ELAPOR2: variants seen among roughly 807,000 people sequenced by gnomAD.
ELAPOR2 encodes endosome/lysosome-associated apoptosis and autophagy regulator family member 2.
ELAPOR2 carries 89 observed loss-of-function variants against 120.7 expected under a neutral mutation model. The ratio of observed to expected loss-of-function variants is 0.74; its 90% CI spans 0.62 to 0.88. The LOEUF (loss-of-function observed/expected upper bound fraction) is 0.88, where lower values mean the gene tolerates loss of function less well. ELAPOR2 is among the 40% of genes least tolerant of loss of function. The pLI is 0.00. For synonymous variants in ELAPOR2, 444 were observed against 444.9 expected, an observed-to-expected ratio of 1.00 and a Z score of 0.03; for missense variants, 1,134 against 1,251.6, an observed-to-expected ratio of 0.91 and a Z score of 1.42.
At chr7:87,040,522 A>C (rs1448980891) in intron 1 of ELAPOR2, among the ~76,000 whole-genome samples, 3 of 152,176 alleles carry the variant, frequency 2.0e-5, no homozygotes, top group Non-Finnish European at 2.9e-5. Context: ...CTCACACTGC[A>C]GGGTATTCCA....
chr7:87,036,252 T>C (rs891509926), intron 1 of ELAPOR2, among the ~76,000 whole-genome samples: 6 of 152,154 alleles, frequency 3.9e-5, no homozygotes, highest in Non-Finnish European at 4.4e-5. Context: ...GGTGGGATGA[T>C]TACTTGAGAC....
chr7:86,986,246 G>A lies in ELAPOR2; in HGVS notation c.190-21222C>T, dbSNP rs1180328012. On this transcript the variant is annotated intron_variant, in intron 1 of 21. Coordinates refer to ENST00000450689, the MANE Select transcript of ELAPOR2 (RefSeq NM_001142749.3). ...AGATCGAGACCATCCCGGCTAAAAT[G>A]GTGAAACCCCGTCTCTACTAAAAAT... 1.7e-5 allele frequency among the ~76,000 whole-genome samples: 2 copies of A among 119,160 alleles called. 1 individual carries two copies. The highest frequency in any genetic ancestry group is 3.4e-5 in the Non-Finnish European group (2 of 58,426). 78.2% of individuals were successfully genotyped at this position (119,160 alleles called of 152,430 possible).
rs945350714 is a variant in ELAPOR2, at chr7:86,994,615, C to A, written c.190-29591G>T. Among the ~76,000 whole-genome samples, 5 of 152,278 alleles carry A rather than the reference C, an allele frequency of 3.3e-5. 1 individual carries two copies. The South Asian group carries it at 1.0e-3, about 32-fold the overall frequency. On this transcript the variant is annotated intron_variant, in intron 1 of 21. Coordinates refer to ENST00000450689, the MANE Select transcript of ELAPOR2 (RefSeq NM_001142749.3). ...AGAAAGCCATTTCTGAAAAATTTCT[C>A]CAGTCACTGAGCTTGGGCAGGGTGG...
intron 6 of ELAPOR2, 72 bp from the exon 7 acceptor site, chr7:86,939,032 C>T (rs760021960): frequency 1.2e-4 from 178 of 1,523,590 alleles, no homozygotes; most frequent in Non-Finnish European, 1.5e-4. Context: ...CCTACTTCTG[C>T]TTCTACCCAG....
intron 21 of ELAPOR2, among the ~76,000 whole-genome samples, chr7:86,881,890 A>C (rs1799426196): frequency 1.3e-5 from 2 of 152,246 alleles, no homozygotes; most frequent in Admixed American, 1.3e-4. Context: ...GAATAGTGAC[A>C]TGAGAAGATA....
At chr7:86,947,685 C>T in intron 3 of ELAPOR2, 42 bp downstream of exon 3, 1 of 1,494,330 alleles carries the variant, frequency 6.7e-7, no homozygotes, top group Non-Finnish European at 9.1e-7. Flanking sequence ...ACTTTCTTCT[C>T]AAATATTCAG....
At chr7:86,956,173 T>C in intron 2 of ELAPOR2, among the ~76,000 whole-genome samples, 1 of 152,102 alleles carries the variant, frequency 6.6e-6, no homozygotes, top group East Asian at 1.9e-4. Flanking sequence ...ATCCCACCAA[T>C]AACAATTTTT....
At chr7:86,947,407 GA>G (rs1201109204) in intron 3 of ELAPOR2, among the ~76,000 whole-genome samples, 1 of 152,138 alleles carries the variant, frequency 6.6e-6, no homozygotes, top group Non-Finnish European at 1.5e-5. Context: ...AAAAAAACCT[GA>G]AAGTATCTGT....
intron 1 of ELAPOR2, among the ~76,000 whole-genome samples, chr7:87,043,259 T>G (rs1487764787): frequency 6.6e-6 from 1 of 151,604 alleles, no homozygotes; most frequent in Non-Finnish European, 1.5e-5. Flanking sequence ...TAACTCATTT[T>G]ATGAGGCCAG....
intron 11 of ELAPOR2, 83 bp downstream of exon 11, chr7:86,919,137 A>G (rs1789702169): frequency 2.2e-6 from 2 of 928,792 alleles, no homozygotes; most frequent in Non-Finnish European, 3.4e-6. Context: ...AATATGTTCC[A>G]TAAAGTAGCC....
intron 1 of ELAPOR2, among the ~76,000 whole-genome samples, chr7:87,022,486 A>G (rs1442729984): frequency 3.9e-5 from 6 of 152,040 alleles, no homozygotes; most frequent in East Asian, 1.9e-4. Context: ...ATCATTGTTG[A>G]ACATTTGGGT....
At chr7:86,936,771 C>A (rs1790579391) in intron 8 of ELAPOR2, among the ~76,000 whole-genome samples, 1 of 152,020 alleles carries the variant, frequency 6.6e-6, no homozygotes, top group African/African-American at 2.4e-5. Context: ...AGGCCCAGGT[C>A]AAACAGATTT....
rs150494198 is a variant in ELAPOR2 at position 86,956,557 on chromosome 7, C to T, written c.310+8347G>A. On this transcript the variant is annotated intron_variant, in intron 2 of 21. Coordinates refer to ENST00000450689, the MANE Select transcript of ELAPOR2 (RefSeq NM_001142749.3). ...ATAATTTAAAAGTAGAAGTCACCTC[C>T]TGGCAAGAAAACTGATACGTGTGAC... Among the ~76,000 whole-genome samples, 298 of 152,320 alleles carry T rather than the reference C, an allele frequency of 2.0e-3. 1 individual carries two copies. The highest frequency in any genetic ancestry group is 6.9e-3 in the African/African-American group (285 of 41,568).
rs547803273 is a variant in ELAPOR2 at position 87,004,874 on chromosome 7, T to C, written c.190-39850A>G. Among the ~76,000 whole-genome samples the C allele has an allele frequency of 3.9e-4, 59 of 152,072 alleles. No individual in the cohort carries two copies. In the South Asian group the frequency reaches 5.4e-3, roughly 14 times the overall value. On this transcript the variant is annotated intron_variant, in intron 1 of 21. Transcript: ENST00000450689. The stretch of plus-strand genomic sequence containing the variant: ...AAAGAATATCAGACCCCAAAGAAAA[T>C]TGCTAACCCTGGGAAAATAAATCCT...
chr7:86,903,874 T>A (rs1788839920), intron 18 of ELAPOR2, among the ~76,000 whole-genome samples: 1 of 152,184 alleles, frequency 6.6e-6, no homozygotes, highest in Non-Finnish European at 1.5e-5. Context: ...AGACCCTGTT[T>A]GAGGAAAGAT....
At chr7:86,891,654 C>T in intron 21 of ELAPOR2, 70 bp downstream of exon 21, 1 of 1,295,706 alleles carries the variant, frequency 7.7e-7, no homozygotes, top group Non-Finnish European at 1.1e-6. Context: ...TGCGTGAATG[C>T]TATTATTAGG....
chr7:86,999,347 A>G (rs1793235292), intron 1 of ELAPOR2, among the ~76,000 whole-genome samples: 1 of 152,122 alleles, frequency 6.6e-6, no homozygotes, highest in Admixed American at 6.5e-5. Context: ...GAACAAAGAA[A>G]CCTTTCCAAG....
chr7:86,973,442 A>G (rs1449574396), intron 1 of ELAPOR2, among the ~76,000 whole-genome samples: 2 of 152,110 alleles, frequency 1.3e-5, no homozygotes, highest in Non-Finnish European at 2.9e-5. Context: ...AATCTGTATG[A>G]TAACAAATCA....
At chr7:86,941,963 G>T in intron 5 of ELAPOR2, 55 bp downstream of exon 5, 1 of 1,060,672 alleles carries the variant, frequency 9.4e-7, no homozygotes, top group South Asian at 1.4e-5. Context: ...AAAGGTTGGG[G>T]AAAAAAAGAA....
Sources: allele counts gnomAD v4.1 joint callset (sites outside exome capture counted in the v4.1 genomes callset), GRCh38; gene constraint gnomAD v4.1.1; transcripts MANE v1.5; gene names NCBI Gene and HGNC (gene_info 2026-07-23, HGNC 2026-07-21).